GARIN2: variants seen among roughly 807,000 people sequenced by gnomAD.
GARIN2 encodes the protein Golgi-associated RAB2 interactor protein 2.
chr14:67,216,941 CA>C, the GARIN2 span, among the ~76,000 whole-genome samples: 1 of 152,076 alleles, frequency 6.6e-6, no homozygotes, highest in Non-Finnish European at 1.5e-5. Flanking sequence ...GTCTGTGATG[CA>C]GTTTAAATTC....
chr14:67,202,926 C>A, the GARIN2 span: 1 of 274,684 alleles, frequency 3.6e-6, no homozygotes, highest in Non-Finnish European at 5.6e-6. Flanking sequence ...GAGGCTGTGT[C>A]TGTTCCCTGC....
the GARIN2 span, chr14:67,203,232 A>G: frequency 6.2e-7 from 1 of 1,612,866 alleles, no homozygotes; most frequent in Non-Finnish European, 8.5e-7. Context: ...CCAAAAAGAT[A>G]CAGAAACCCT....
chr14:67,199,850 C>A, the GARIN2 span: 1 of 1,493,226 alleles, frequency 6.7e-7, no homozygotes, highest in African/African-American at 1.4e-5. Context: ...CATGCCCCAC[C>A]ACCTATGCCT....
At chr14:67,195,058 G>C in the GARIN2 span, among the ~76,000 whole-genome samples, 2 of 152,182 alleles carry the variant, frequency 1.3e-5, no homozygotes, top group African/African-American at 4.8e-5. Flanking sequence ...GGGGTGTAGT[G>C]CACAGGTATC....
the GARIN2 span, chr14:67,224,622 TA>T: frequency 6.6e-6 from 2 of 303,640 alleles, no homozygotes; most frequent in East Asian, 1.1e-4. Context: ...CCTTAACTTT[TA>T]AATTTTTTTT....
At chr14:67,212,638 A>ATATATATATATG in the GARIN2 span, among the ~76,000 whole-genome samples, 11 of 145,940 alleles carry the variant, frequency 7.5e-5, no homozygotes, top group African/African-American at 2.5e-4. Flanking sequence ...TATATAATAT[A>ATATATATATATG]TATTACATAT....
the GARIN2 span, among the ~76,000 whole-genome samples, chr14:67,193,291 CATCT>C: frequency 1.7e-5 from 2 of 118,094 alleles, no homozygotes; most frequent in Admixed American, 8.8e-5. Flanking sequence ...TCTATATAGA[CATCT>C]ATCTATATAT....
the GARIN2 span, among the ~76,000 whole-genome samples, chr14:67,192,697 T>G: frequency 1.3e-5 from 2 of 151,628 alleles, no homozygotes; most frequent in East Asian, 3.9e-4. Context: ...ACACCATGAT[T>G]GATAGCTGCT....
chr14:67,200,436 A>C, the GARIN2 span: 1 of 466,580 alleles, frequency 2.1e-6, no homozygotes, highest in Non-Finnish European at 3.8e-6. Context: ...CCCTTTCAGC[A>C]CCCCCACCCC....
At chr14:67,207,159 G>A in the GARIN2 span, among the ~76,000 whole-genome samples, 1 of 152,030 alleles carries the variant, frequency 6.6e-6, no homozygotes, top group African/African-American at 2.4e-5. Context: ...TTGTTGCATT[G>A]CTATAAAGAA....
chr14:67,223,925 G>C, the GARIN2 span: 1 of 984,932 alleles, frequency 1.0e-6, no homozygotes, highest in Non-Finnish European at 1.2e-6. Flanking sequence ...AATGTAATTG[G>C]AGTACAAATT....
the GARIN2 span, chr14:67,199,446 C>A: frequency 6.2e-7 from 1 of 1,612,772 alleles, no homozygotes; most frequent in Non-Finnish European, 8.5e-7. Flanking sequence ...ATCTTACAAA[C>A]CCCCAAGATT....
At chr14:67,204,705 G>A in the GARIN2 span, 1 of 1,613,924 alleles carries the variant, frequency 6.2e-7, no homozygotes, top group East Asian at 2.2e-5. Flanking sequence ...TCTTGAATCA[G>A]GAGAAAGCCA....
chr14:67,207,533 C>CA, the GARIN2 span, among the ~76,000 whole-genome samples: 1 of 151,620 alleles, frequency 6.6e-6, no homozygotes, highest in Non-Finnish European at 1.5e-5. Flanking sequence ...TTTCAAGTGA[C>CA]AAAACATCCA....
At chr14:67,213,698 T>C in the GARIN2 span, among the ~76,000 whole-genome samples, 4,589 of 152,210 alleles carry the variant, frequency 0.03, 84 homozygotes, top group Non-Finnish European at 0.036. Flanking sequence ...GATGGCTGGG[T>C]CAAATGGTAT....
At chr14:67,222,912 A>T in the GARIN2 span, among the ~76,000 whole-genome samples, 1 of 152,114 alleles carries the variant, frequency 6.6e-6, no homozygotes, top group Non-Finnish European at 1.5e-5. Context: ...AGTCACACGT[A>T]CAAGAGTCAG....
chr14:67,208,521 C>A, the GARIN2 span: 1 of 1,472,348 alleles, frequency 6.8e-7, no homozygotes, highest in South Asian at 1.3e-5. Context: ...GTGCTTTAGT[C>A]TCTTAACTCA....
chr14:67,208,284 TCA>T, the GARIN2 span: 14 of 1,613,982 alleles, frequency 8.7e-6, no homozygotes, highest in Non-Finnish European at 1.2e-5. Context: ...TCAAAACATG[TCA>T]CCATCTCAAA....
At chr14:67,199,114 G>A in the GARIN2 span, 1 of 1,285,174 alleles carries the variant, frequency 7.8e-7, no homozygotes, top group South Asian at 1.2e-5. Flanking sequence ...GTGTACGTGG[G>A]GGGCCTGAAT....
Sources: allele counts gnomAD v4.1 joint callset (sites outside exome capture counted in the v4.1 genomes callset), GRCh38; gene constraint gnomAD v4.1.1; transcripts MANE v1.5; gene names NCBI Gene and HGNC (gene_info 2026-07-23, HGNC 2026-07-21).